RAPGEF5: variants seen among roughly 807,000 people sequenced by gnomAD.
RAPGEF5 encodes the protein Rap guanine nucleotide exchange factor 5.
A neutral mutation model predicts 125.2 loss-of-function variants in RAPGEF5; 65 were observed. The observed-to-expected ratio is 0.52, with a 90% CI of 0.43 to 0.64. The LOEUF is 0.64. RAPGEF5 is among the 30% of genes least tolerant of loss of function. The probability of loss-of-function intolerance (pLI) is 0.00; values close to 1 mark genes in which losing one functional copy is unlikely to be tolerated. For synonymous variants in RAPGEF5, 391 were observed against 385.9 expected (o/e 1.01, Z -0.16); for missense variants, 958 against 1,048.1 (o/e 0.91, Z 1.19).
intron 1 of RAPGEF5, among the ~76,000 whole-genome samples, chr7:22,329,694 T>G (rs1173618703): frequency 1.3e-5 from 2 of 152,236 alleles, no homozygotes; most frequent in African/African-American, 4.8e-5. Flanking sequence ...TTGTTGTTTT[T>G]CCCTCTTCCC....
At chr7:22,244,856 G>C (rs1055423060) in intron 7 of RAPGEF5, among the ~76,000 whole-genome samples, 3 of 152,120 alleles carry the variant, frequency 2.0e-5, no homozygotes, top group Non-Finnish European at 2.9e-5. Context: ...AAGTAGGATT[G>C]CTAGGTCATA....
At chr7:22,292,659 A>G (rs1782960613) in intron 5 of RAPGEF5, among the ~76,000 whole-genome samples, 1 of 152,242 alleles carries the variant, frequency 6.6e-6, no homozygotes, top group Non-Finnish European at 1.5e-5. Flanking sequence ...CCACCAAACC[A>G]GATTTATGTG....
chr7:22,232,671 T>C (rs1786089034), intron 7 of RAPGEF5, among the ~76,000 whole-genome samples: 1 of 152,182 alleles, frequency 6.6e-6, no homozygotes, highest in Admixed American at 6.5e-5. Flanking sequence ...TAAAATATCA[T>C]TTCATGTACT....
At chr7:22,132,135 G>C (rs1198168773) in intron 23 of RAPGEF5, among the ~76,000 whole-genome samples, 2 of 152,088 alleles carry the variant, frequency 1.3e-5, no homozygotes, top group African/African-American at 2.4e-5. Context: ...CCTATAAATA[G>C]AAAAAGAATG....
chr7:22,263,041 T>C (rs1331233733), intron 7 of RAPGEF5, among the ~76,000 whole-genome samples: 1 of 152,222 alleles, frequency 6.6e-6, no homozygotes, highest in Non-Finnish European at 1.5e-5. Flanking sequence ...CAGAAAATCA[T>C]GCCATGTGAA....
At chr7:22,286,616 C>T (rs569953154) in intron 6 of RAPGEF5, among the ~76,000 whole-genome samples, 2 of 152,294 alleles carry the variant, frequency 1.3e-5, no homozygotes, top group African/African-American at 2.4e-5. Context: ...TCTTTGGATG[C>T]TTCCCAAGTA....
At chr7:22,143,286 C>G (rs961631930) in intron 20 of RAPGEF5, among the ~76,000 whole-genome samples, 1 of 152,088 alleles carries the variant, frequency 6.6e-6, no homozygotes, top group African/African-American at 2.4e-5. Context: ...CACCAAATAC[C>G]AGGTCAGGAA....
In RAPGEF5 at chr7:22,322,376, G is replaced by C. The variant is rs139720291; in HGVS notation, c.232-4339C>G. Among the ~76,000 whole-genome samples the C allele has an allele frequency of 1.8e-3, 276 of 151,814 alleles. 3 individuals carry two copies. The South Asian group carries it at 0.026, about 14-fold the overall frequency. ...TGCCCAAGCTGGTCTCAAACTCCTG[G>C]GCTCAAGCAATCCGCTCGCCTCAGC... On this transcript the variant is annotated intron_variant, in intron 1 of 25. Transcript: ENST00000665637.
intron 23 of RAPGEF5, among the ~76,000 whole-genome samples, chr7:22,133,647 C>CA (rs751609917): frequency 6.6e-6 from 1 of 152,194 alleles, no homozygotes; most frequent in Non-Finnish European, 1.5e-5. Flanking sequence ...CTCTAAGACA[C>CA]ATATATGAAA....
intron 7 of RAPGEF5, among the ~76,000 whole-genome samples, chr7:22,257,869 T>C (rs1248175542): frequency 6.6e-6 from 1 of 152,228 alleles, no homozygotes; most frequent in Non-Finnish European, 1.5e-5. Context: ...GAAAACATTA[T>C]ATTTAATTAA....
chr7:22,295,351 T>C (rs1384755594), intron 5 of RAPGEF5, among the ~76,000 whole-genome samples: 2 of 152,250 alleles, frequency 1.3e-5, no homozygotes, highest in Non-Finnish European at 2.9e-5. Flanking sequence ...TGTATAGTTA[T>C]ATATTAATCT....
At chr7:22,355,859 A>T in intron 1 of RAPGEF5, 1 of 733,454 alleles carries the variant, frequency 1.4e-6, no homozygotes, top group Non-Finnish European at 1.7e-6. Flanking sequence ...GTCTTGTTTT[A>T]AGTCAGACAA....
intron 6 of RAPGEF5, among the ~76,000 whole-genome samples, chr7:22,290,694 G>C (rs1483632874): frequency 6.9e-6 from 1 of 144,892 alleles, no homozygotes; most frequent in East Asian, 2.1e-4. Flanking sequence ...GCAGTGAGCC[G>C]AGATCCCGCC....
intron 8 of RAPGEF5, among the ~76,000 whole-genome samples, chr7:22,224,383 A>C (rs1384068165): frequency 1.3e-5 from 2 of 152,182 alleles, no homozygotes; most frequent in Non-Finnish European, 2.9e-5. Context: ...ACATTACTTA[A>C]ATGCTTTGAC....
rs143526635 is a variant in RAPGEF5 at position 22,302,599 on chromosome 7, C to A, written c.680+5740G>T. Among the ~76,000 whole-genome samples the A allele has an allele frequency of 1.7e-3, 264 of 152,248 alleles. 2 individuals carry two copies. The highest frequency in any genetic ancestry group is 6.2e-3 in the African/African-American group (259 of 41,544). ...GGAGAGCCTCCCCTGTCCTCCTCTG[C>A]CAAGGTCAAGGCGCCCAGACCACTC... On this transcript the variant is annotated intron_variant, in intron 5 of 25. Transcript: ENST00000665637.
chr7:22,244,162 G>A (rs914729349), intron 7 of RAPGEF5, among the ~76,000 whole-genome samples: 2 of 152,018 alleles, frequency 1.3e-5, no homozygotes, highest in African/African-American at 4.8e-5. Context: ...ATTCTATTGT[G>A]TGTGTGTATA....
At chr7:22,247,663 C>T (rs910867092) in intron 7 of RAPGEF5, among the ~76,000 whole-genome samples, 4 of 151,794 alleles carry the variant, frequency 2.6e-5, no homozygotes, top group African/African-American at 9.7e-5. Flanking sequence ...TATAAATTAC[C>T]CTGTCTAGGG....
intron 2 of RAPGEF5, among the ~76,000 whole-genome samples, 172 bp downstream of exon 2, chr7:22,317,815 C>G (rs1340202490): frequency 6.6e-6 from 1 of 152,126 alleles, no homozygotes; most frequent in East Asian, 1.9e-4. Flanking sequence ...CAGAGCATCT[C>G]AAACACTTTT....
At chr7:22,193,203 T>C (rs1366009008) in intron 11 of RAPGEF5, 164 bp downstream of exon 11, 16 of 723,972 alleles carry the variant, frequency 2.2e-5, no homozygotes, top group Non-Finnish European at 4.4e-6. Context: ...TGTCCATTTA[T>C]TGGATTTAAA....
Sources: gnomAD v4.1 joint callset for allele counts (sites outside exome capture counted in the v4.1 genomes callset) on GRCh38, gnomAD v4.1.1 for gene constraint, MANE v1.5 for transcripts, NCBI Gene and HGNC (gene_info 2026-07-23, HGNC 2026-07-21) for gene names.